Variants in NPAS3 observed in about 807,000 individuals in gnomAD.
NPAS3 encodes neuronal PAS domain protein 3, also known as neuronal PAS domain-containing protein 3.
NPAS3 carries 14 observed loss-of-function variants against 73.1 expected under a neutral mutation model. That is an observed-to-expected ratio of 0.19 (90% CI 0.13 to 0.30). NPAS3 has a LOEUF of 0.30. NPAS3 is among the 10% of genes least tolerant of loss of function. The pLI is 1.00. For missense variants in NPAS3, 1,096 were observed against 1,250.0 expected, an observed-to-expected ratio of 0.88 and a Z score of 1.86; for synonymous variants, 620 against 541.5, an observed-to-expected ratio of 1.14 and a Z score of -2.01.
intron 3 of NPAS3, among the ~76,000 whole-genome samples, chr14:33,278,883 A>G (rs2041459354): frequency 6.6e-6 from 1 of 152,234 alleles, no homozygotes; most frequent in Non-Finnish European, 1.5e-5. Flanking sequence ...TTGCATGAGC[A>G]GAAAGGACAC....
In NPAS3 at chr14:33,201,433, G is replaced by A. The variant is rs146792177; in HGVS notation, c.141-13749G>A. On this transcript the variant is annotated intron_variant, in intron 2 of 11. Coordinates refer to ENST00000356141, the Ensembl canonical transcript of NPAS3. Reference sequence around the variant, plus strand: ...TGTAAAGATGCTGTTGAGAATCACTGCCGTTTTCAGAAGTGAAGCTAAAGA... The same window carrying A: ...TGTAAAGATGCTGTTGAGAATCACTACCGTTTTCAGAAGTGAAGCTAAAGA... Among the ~76,000 whole-genome samples, 9 of 152,308 alleles carry A rather than the reference G, an allele frequency of 5.9e-5. No homozygotes were observed. In the East Asian group the frequency reaches 1.7e-3, roughly 29 times the overall value.
intron 5 of NPAS3, among the ~76,000 whole-genome samples, chr14:33,672,128 C>T (rs1595405049): frequency 6.6e-6 from 1 of 152,040 alleles, no homozygotes; most frequent in Non-Finnish European, 1.5e-5. Context: ...CAGAGTTTTG[C>T]CGTAGATTGG....
chr14:33,302,053 T>C (rs2042573218), intron 3 of NPAS3, among the ~76,000 whole-genome samples: 1 of 152,170 alleles, frequency 6.6e-6, no homozygotes, highest in Admixed American at 6.5e-5. Flanking sequence ...TATTCACCAA[T>C]ATATCTCAGC....
chr14:33,316,988 A>G (rs2043231928), intron 3 of NPAS3, among the ~76,000 whole-genome samples: 1 of 152,110 alleles, frequency 6.6e-6, no homozygotes, highest in Admixed American at 6.6e-5. Flanking sequence ...TCCTTCTAAA[A>G]TTCTGTAATT....
At chr14:33,753,671 A>G (rs7157761) in intron 7 of NPAS3, among the ~76,000 whole-genome samples, 10,908 of 152,234 alleles carry the variant, frequency 0.072, 1,275 homozygotes, top group African/African-American at 0.25. Flanking sequence ...ATATACCCAG[A>G]AAAATCTACA....
chr14:33,207,603 AT>A (rs1336288445), intron 2 of NPAS3, among the ~76,000 whole-genome samples: 13 of 152,200 alleles, frequency 8.5e-5, no homozygotes, highest in Non-Finnish European at 1.9e-4. Flanking sequence ...TTTGACAGCC[AT>A]TCACACTTAA....
At chr14:33,487,981 A>G (rs2051697007) in intron 4 of NPAS3, among the ~76,000 whole-genome samples, 1 of 152,156 alleles carries the variant, frequency 6.6e-6, no homozygotes, top group South Asian at 2.1e-4. Context: ...ATTTAACTCA[A>G]TAGAAATGGA....
rs559792573 is a variant in NPAS3, at chr14:33,555,371, A to G, written c.469-4750A>G. On this transcript the variant is annotated intron_variant, in intron 4 of 11. Coordinates refer to ENST00000356141, the Ensembl canonical transcript of NPAS3. ...TTAGTTAATAATCAGAAAATTCTAC[A>G]TAGTGAGTAAGAAGATGTAATTAAC... Among the ~76,000 whole-genome samples the G allele has an allele frequency of 3.3e-5, 5 of 152,324 alleles. No homozygotes were observed. In the South Asian group the frequency reaches 1.0e-3, roughly 32 times the overall value.
intron 4 of NPAS3, among the ~76,000 whole-genome samples, chr14:33,380,783 G>T (rs1025120021): frequency 6.6e-6 from 1 of 152,038 alleles, no homozygotes; most frequent in Non-Finnish European, 1.5e-5. Context: ...TTCCCATGAG[G>T]CTGGGTAACT....
At chr14:33,250,718 CTCTTT>C (rs2048553076) in intron 3 of NPAS3, among the ~76,000 whole-genome samples, 1 of 151,706 alleles carries the variant, frequency 6.6e-6, no homozygotes, top group African/African-American at 2.4e-5. Flanking sequence ...TTTTTCCTTC[CTCTTT>C]TGTTTTACGG....
chr14:33,131,312 A>G (rs548032204), intron 2 of NPAS3, among the ~76,000 whole-genome samples: 1 of 152,256 alleles, frequency 6.6e-6, no homozygotes, highest in African/African-American at 2.4e-5. Flanking sequence ...TTCTAGATTT[A>G]TTGATAATCC....
chr14:33,625,542 G>C (rs923857114), intron 5 of NPAS3, among the ~76,000 whole-genome samples: 2 of 152,206 alleles, frequency 1.3e-5, no homozygotes, highest in Non-Finnish European at 2.9e-5. Flanking sequence ...ACTATATGCA[G>C]TAGAGGAGGT....
chr14:33,567,643 C>G (rs990603449), intron 5 of NPAS3, among the ~76,000 whole-genome samples: 8 of 152,200 alleles, frequency 5.3e-5, no homozygotes, highest in African/African-American at 1.7e-4. Flanking sequence ...CATTAGAAAT[C>G]GGTAGAATAA....
chr14:33,436,444 CTG>C (rs1401586040), intron 4 of NPAS3, among the ~76,000 whole-genome samples: 5 of 152,182 alleles, frequency 3.3e-5, no homozygotes, highest in Non-Finnish European at 1.5e-5. Context: ...ATTTCAATGA[CTG>C]TGGCATGTAC....
chr14:33,382,219 C>G (rs1016416163), intron 4 of NPAS3, among the ~76,000 whole-genome samples: 7 of 152,070 alleles, frequency 4.6e-5, no homozygotes, highest in African/African-American at 1.7e-4. Flanking sequence ...TGAAAAATAA[C>G]TGCTTACAAT....
chr14:33,503,920 G>T (rs2052637258), intron 4 of NPAS3, among the ~76,000 whole-genome samples: 1 of 151,968 alleles, frequency 6.6e-6, no homozygotes, highest in African/African-American at 2.4e-5. Context: ...AAAGCTAATT[G>T]GTAGAAAGAA....
intron 4 of NPAS3, among the ~76,000 whole-genome samples, chr14:33,449,532 G>T (rs1221584459): frequency 6.6e-6 from 1 of 151,922 alleles, no homozygotes; most frequent in Non-Finnish European, 1.5e-5. Flanking sequence ...AGACACTTTA[G>T]CTTGAAAAAC....
chr14:33,595,040 A>G (rs889495043), intron 5 of NPAS3, among the ~76,000 whole-genome samples: 2 of 152,172 alleles, frequency 1.3e-5, no homozygotes, highest in African/African-American at 4.8e-5. Context: ...GCAAAAAGAA[A>G]TGTTATGCCA....
chr14:33,548,740 C>A (rs10130952), intron 4 of NPAS3, among the ~76,000 whole-genome samples: 37,593 of 152,080 alleles, frequency 0.25, 5,158 homozygotes, highest in African/African-American at 0.38. Flanking sequence ...TATACCTTCC[C>A]AGCAGGCTAA....
Sources: gnomAD v4.1 joint callset for allele counts (sites outside exome capture counted in the v4.1 genomes callset) on GRCh38, gnomAD v4.1.1 for gene constraint, MANE v1.5 for transcripts, NCBI Gene and HGNC (gene_info 2026-07-23, HGNC 2026-07-21) for gene names.